The following TEX2 variants were observed in gnomAD, a reference collection of about 807,000 sequenced individuals.
TEX2 encodes the protein testis-expressed protein 2.
TEX2 carries 53 observed loss-of-function variants against 106.9 expected under a neutral mutation model. The observed-to-expected ratio is 0.50, with a 90% CI of 0.40 to 0.62. The LOEUF is 0.62. Among genes scored for constraint, TEX2 ranks in the 20% least tolerant of loss-of-function variants. The pLI, the probability that TEX2 is intolerant of heterozygous loss-of-function variation, is 0.00. For synonymous variants in TEX2, 523 were observed against 534.8 expected, an observed-to-expected ratio of 0.98 and a Z score of 0.30; for missense variants, 1,207 against 1,379.0, an observed-to-expected ratio of 0.88 and a Z score of 1.98.
chr17:64,164,131 G>A (rs1472081349), intron 7 of TEX2, among the ~76,000 whole-genome samples: 2 of 152,064 alleles, frequency 1.3e-5, no homozygotes, highest in Admixed American at 6.6e-5. Flanking sequence ...GATTATTAAC[G>A]AGCCCCTATA....
At chr17:64,199,516 C>T (rs1598170629) in intron 2 of TEX2, among the ~76,000 whole-genome samples, 1 of 152,064 alleles carries the variant, frequency 6.6e-6, no homozygotes, top group Admixed American at 6.5e-5. Flanking sequence ...GGATTACAGG[C>T]GTGAGCCACT....
At position 64,153,951 on chromosome 17, in the gene TEX2, AC is replaced by A. The variant is rs1233682919; in HGVS notation, c.2931-798del. Among the ~76,000 whole-genome samples the A allele has an allele frequency of 6.6e-6, 1 of 152,162 alleles. No homozygotes were observed. The highest frequency in any genetic ancestry group is 1.5e-5 in the Non-Finnish European group (1 of 68,030). ...CTGTCTCAAGAAAACAAACAAACAA[AC>A]AAAATGCTACACCAAGTTGACGTGC... On this transcript the variant is annotated intron_variant, in intron 9 of 11. Coordinates refer to ENST00000584379, the MANE Select transcript of TEX2 (RefSeq NM_001288732.2). This position sits in a 1 kb window ranked among gnomAD's most constrained non-coding sequence, Gnocchi z 4.1.
chr17:64,158,062 T>G (rs569487127), intron 8 of TEX2, among the ~76,000 whole-genome samples: 1 of 152,222 alleles, frequency 6.6e-6, no homozygotes, highest in Non-Finnish European at 1.5e-5. Flanking sequence ...ATCTGAATGT[T>G]GTATGTTATG....
In TEX2 at chr17:64,147,736, T is replaced by C. The variant is rs576809050; in HGVS notation, c.*1233A>G. 5.2e-5 allele frequency: 8 copies of C among 152,658 alleles called. No individual in the cohort carries two copies. The highest frequency in any genetic ancestry group is 4.1e-4 in the South Asian group (2 of 4,828). The allele number at this position is 152,658 out of a possible 1,614,324, so 9.5% of individuals were successfully genotyped here. ...CAATTAAAATAAGGGTTCAAACATG[T>C]TTTCAATATATTAATTTCTTTAAAG... On this transcript the variant is annotated 3_prime_UTR_variant, in exon 12 of 12. Coordinates refer to ENST00000584379, the MANE Select transcript of TEX2 (RefSeq NM_001288732.2).
At chr17:64,164,075 T>C (rs768057062) in intron 7 of TEX2, among the ~76,000 whole-genome samples, 5 of 152,138 alleles carry the variant, frequency 3.3e-5, no homozygotes, top group South Asian at 2.1e-4. Context: ...GAAGGGTCTA[T>C]TCCACATCAT....
chr17:64,164,425 A>G (rs556303971), intron 7 of TEX2, among the ~76,000 whole-genome samples: 70 of 151,788 alleles, frequency 4.6e-4, no homozygotes, highest in Non-Finnish European at 7.2e-4. Context: ...GTCTCAAAAG[A>G]AGAAGAAGAA....
chr17:64,259,187 G>A (rs1486220042), intron 1 of TEX2, among the ~76,000 whole-genome samples: 1 of 152,324 alleles, frequency 6.6e-6, no homozygotes, highest in African/African-American at 2.4e-5. Context: ...GATGACAGGT[G>A]AAACTGTCAG....
chr17:64,262,305 C>G (rs2034302626), intron 1 of TEX2, among the ~76,000 whole-genome samples: 1 of 152,234 alleles, frequency 6.6e-6, no homozygotes. Flanking sequence ...AGGGTGGAAA[C>G]AGACTTTGCC....
intron 7 of TEX2, among the ~76,000 whole-genome samples, chr17:64,164,335 C>T (rs996991213): frequency 6.6e-6 from 1 of 151,838 alleles, no homozygotes; most frequent in Non-Finnish European, 1.5e-5. Flanking sequence ...CTGCTAGGTA[C>T]GCTGAGGCAC....
intron 8 of TEX2, chr17:64,155,319 C>A (rs1258482775): frequency 1.6e-5 from 3 of 185,780 alleles, no homozygotes; most frequent in Admixed American, 6.2e-5. Flanking sequence ...CGGAGCCACA[C>A]GGGAGGATGA....
chr17:64,159,212 T>TC (rs1283277385), intron 8 of TEX2, among the ~76,000 whole-genome samples: 1 of 152,020 alleles, frequency 6.6e-6, no homozygotes, highest in African/African-American at 2.4e-5. Flanking sequence ...TGCAATGGAG[T>TC]CCCTGTGCCC....
chr17:64,222,140 A>C (rs1555633364), intron 1 of TEX2, among the ~76,000 whole-genome samples: 1 of 152,346 alleles, frequency 6.6e-6, no homozygotes, highest in African/African-American at 2.4e-5. Context: ...AAAATGGTTA[A>C]GATGGTAAAA....
chr17:64,221,148 C>A (rs888819280), intron 1 of TEX2, among the ~76,000 whole-genome samples: 1 of 152,032 alleles, frequency 6.6e-6, no homozygotes, highest in African/African-American at 2.4e-5. Flanking sequence ...GGGACCTGAA[C>A]AATGAGAACA....
At chr17:64,159,997 ATGGAG>A in intron 8 of TEX2, among the ~76,000 whole-genome samples, 1 of 152,192 alleles carries the variant, frequency 6.6e-6, no homozygotes, top group African/African-American at 2.4e-5. Context: ...TTTAGACCCC[ATGGAG>A]GTAGCTCCTT....
At chr17:64,203,813 C>T (rs2032745117) in intron 2 of TEX2, among the ~76,000 whole-genome samples, 1 of 152,232 alleles carries the variant, frequency 6.6e-6, no homozygotes, top group African/African-American at 2.4e-5. Flanking sequence ...CATCCTCCAA[C>T]TGCCTGCTTC....
At chr17:64,221,266 C>T (rs2033351942) in intron 1 of TEX2, among the ~76,000 whole-genome samples, 2 of 152,116 alleles carry the variant, frequency 1.3e-5, no homozygotes, top group Admixed American at 6.5e-5. Flanking sequence ...GGGTTAACAC[C>T]TAGGTTGACA....
At chr17:64,194,762 G>C (rs1039629448) in intron 3 of TEX2, 133 bp downstream of exon 3, 1 of 737,104 alleles carries the variant, frequency 1.4e-6, no homozygotes, top group Non-Finnish European at 2.3e-6. Context: ...AAGTGTGAGA[G>C]GTACTGTCCC....
intron 1 of TEX2, among the ~76,000 whole-genome samples, chr17:64,222,140 A>T (rs1555633364): frequency 6.6e-6 from 1 of 152,228 alleles, no homozygotes; most frequent in African/African-American, 2.4e-5. Context: ...AAAATGGTTA[A>T]GATGGTAAAA....
At chr17:64,182,901 TTTG>T (rs1204638979) in intron 5 of TEX2, among the ~76,000 whole-genome samples, 3 of 149,556 alleles carry the variant, frequency 2.0e-5, no homozygotes, top group Non-Finnish European at 4.4e-5. Context: ...GTTTGCCACT[TTTG>T]TTGTGTTTTT....
Sources: allele counts gnomAD v4.1 joint callset (sites outside exome capture counted in the v4.1 genomes callset), GRCh38; gene constraint gnomAD v4.1.1; non-coding constraint Gnocchi (gnomAD v3.1); transcripts MANE v1.5; gene names NCBI Gene and HGNC (gene_info 2026-07-23, HGNC 2026-07-21).